NLGN1: variants seen among roughly 807,000 people sequenced by gnomAD.
NLGN1 encodes the protein neuroligin-1.
A neutral mutation model predicts 65.5 loss-of-function variants in NLGN1; 12 were observed. The ratio of observed to expected loss-of-function variants is 0.18; its 90% CI spans 0.12 to 0.30. The LOEUF (loss-of-function observed/expected upper bound fraction) is 0.30. Among genes scored for constraint, NLGN1 ranks in the 10% least tolerant of loss-of-function variants. The probability of loss-of-function intolerance (pLI) is 1.00; values close to 1 mark genes in which losing one functional copy is unlikely to be tolerated. For missense variants in NLGN1, 750 were observed against 1,007.1 expected (o/e 0.74, Z 3.46); for synonymous variants, 350 against 359.5 (o/e 0.97, Z 0.30).
intron 2 of NLGN1, among the ~76,000 whole-genome samples, chr3:173,527,629 C>T (rs1016821542): frequency 1.5e-4 from 23 of 152,192 alleles, no homozygotes; most frequent in African/African-American, 5.5e-4. Context: ...GATCTCCTGA[C>T]CTCGTGATCT....
chr3:173,745,792 G>A (rs191486401), intron 3 of NLGN1, among the ~76,000 whole-genome samples: 12 of 152,196 alleles, frequency 7.9e-5, no homozygotes, highest in African/African-American at 2.9e-4. Context: ...GAAAGAAGCG[G>A]TCTGATTTCT....
At chr3:174,251,939 A>G (rs1744841276) in intron 4 of NLGN1, among the ~76,000 whole-genome samples, 1 of 152,158 alleles carries the variant, frequency 6.6e-6, no homozygotes, top group Non-Finnish European at 1.5e-5. Context: ...CTACGTAGAT[A>G]TTTCAGCTCT....
chr3:174,260,000 CA>C (rs1452899896), intron 4 of NLGN1, among the ~76,000 whole-genome samples: 3 of 152,090 alleles, frequency 2.0e-5, no homozygotes, highest in Non-Finnish European at 4.4e-5. Flanking sequence ...CATGTCCCTA[CA>C]AAGGACAAGA....
chr3:173,769,421 A>G (rs1779255420), intron 3 of NLGN1, among the ~76,000 whole-genome samples: 1 of 151,984 alleles, frequency 6.6e-6, no homozygotes, highest in Non-Finnish European at 1.5e-5. Context: ...AAACACACAT[A>G]TGAGGGCCAT....
In NLGN1 at chr3:173,894,849, C is replaced by G. The variant is rs1200427774; in HGVS notation, c.646+87017C>G. 2.6e-5 allele frequency among the ~76,000 whole-genome samples: 4 copies of G among 150,994 alleles called. No individual in the cohort carries two copies. In the East Asian group the frequency reaches 7.8e-4, roughly 29 times the overall value. ...ACAGGGTTTCACCATGTTGGCCAGG[C>G]TGGTGTCGAACTCCTGACCTCAAGT... On this transcript the variant is annotated intron_variant, in intron 4 of 6. Transcript: ENST00000457714.
intron 4 of NLGN1, among the ~76,000 whole-genome samples, chr3:174,145,983 C>T (rs2152695425): frequency 6.6e-6 from 1 of 152,328 alleles, no homozygotes; most frequent in African/African-American, 2.4e-5. Flanking sequence ...ACACTTGTGC[C>T]TGCTCACACG....
At chr3:174,199,396 T>C (rs925493265) in intron 4 of NLGN1, among the ~76,000 whole-genome samples, 1 of 151,738 alleles carries the variant, frequency 6.6e-6, no homozygotes, top group Non-Finnish European at 1.5e-5. Context: ...ATGGTAATAG[T>C]AGTAAGAGTG....
intron 2 of NLGN1, among the ~76,000 whole-genome samples, chr3:173,565,202 A>G (rs1232595449): frequency 6.6e-6 from 1 of 152,242 alleles, no homozygotes; most frequent in African/African-American, 2.4e-5. Context: ...AAGGACAGCC[A>G]GGTGAAAATA....
At chr3:174,109,651 T>C (rs1232572922) in intron 4 of NLGN1, among the ~76,000 whole-genome samples, 5 of 152,096 alleles carry the variant, frequency 3.3e-5, no homozygotes, top group Non-Finnish European at 7.4e-5. Context: ...TCCTTCTTTA[T>C]TGAGGCTCAG....
downstream of NLGN1, among the ~76,000 whole-genome samples, chr3:174,289,714 A>G (rs189313842): frequency 2.8e-4 from 43 of 151,078 alleles, no homozygotes; most frequent in South Asian, 4.1e-4. Context: ...TAATACATAC[A>G]TAAGATAAAA....
intron 4 of NLGN1, among the ~76,000 whole-genome samples, chr3:173,863,043 TTAAA>T (rs1264931312): frequency 1.3e-5 from 2 of 152,180 alleles, no homozygotes; most frequent in African/African-American, 4.8e-5. Flanking sequence ...CTTTGTTTTG[TTAAA>T]TAGTCTATGT....
At chr3:173,562,132 G>T (rs1296404341) in intron 2 of NLGN1, among the ~76,000 whole-genome samples, 1 of 152,210 alleles carries the variant, frequency 6.6e-6, no homozygotes, top group Non-Finnish European at 1.5e-5. Flanking sequence ...CATGTTCAAG[G>T]AATGAAAGGC....
At position 174,279,387 on chromosome 3, in the gene NLGN1, C is replaced by T. The variant is rs780078407; in HGVS notation, c.1386C>T (p.Asp462=). 1.1e-5 allele frequency: 17 copies of T among 1,613,352 alleles called. No individual in the cohort carries two copies. In the South Asian group the frequency reaches 1.8e-4, roughly 17 times the overall value. Residue 462 remains aspartate (D), a synonymous_variant, in exon 6 of 7, where the codon GAC becomes GAT. Transcript: ENST00000457714. The surrounding 1 kb of genome is among the most constrained non-coding windows in gnomAD (Gnocchi z 4.7). ...AGACATTACTGGCTTTGTTTACGGACCATCAGTGGGTGGCACCAGCTGTAG... is the reference window on the plus strand; with the variant it reads ...AGACATTACTGGCTTTGTTTACGGATCATCAGTGGGTGGCACCAGCTGTAG...
chr3:173,808,551 T>C (rs1288720103), intron 4 of NLGN1, among the ~76,000 whole-genome samples: 4 of 152,170 alleles, frequency 2.6e-5, no homozygotes, highest in Admixed American at 6.6e-5. Flanking sequence ...ATAAACTTGC[T>C]ATTCTAGCAT....
chr3:173,565,581 C>G (rs1743508325), intron 2 of NLGN1, among the ~76,000 whole-genome samples: 1 of 152,116 alleles, frequency 6.6e-6, no homozygotes. Flanking sequence ...AACACTGGCA[C>G]TTCCCCAGAG....
chr3:174,110,596 C>T (rs555744126), intron 4 of NLGN1, among the ~76,000 whole-genome samples: 2 of 151,858 alleles, frequency 1.3e-5, no homozygotes, highest in South Asian at 4.2e-4. Context: ...CAAGGATATG[C>T]CAAGTGCATA....
intron 4 of NLGN1, among the ~76,000 whole-genome samples, chr3:174,005,006 G>A (rs1255252428): frequency 5.3e-5 from 8 of 152,050 alleles, no homozygotes; most frequent in Admixed American, 1.3e-4. Flanking sequence ...TAACAAGTCC[G>A]TCTGGGTCAA....
intron 3 of NLGN1, among the ~76,000 whole-genome samples, chr3:173,797,335 TA>T (rs1263358843): frequency 6.6e-6 from 1 of 152,072 alleles, no homozygotes; most frequent in Admixed American, 6.6e-5. Context: ...ATCAGATATG[TA>T]AAAAATTCTT....
the NLGN1 span, among the ~76,000 whole-genome samples, chr3:174,292,018 C>T: frequency 1.3e-5 from 2 of 151,154 alleles, no homozygotes; most frequent in South Asian, 4.1e-4. Flanking sequence ...TTATGTGTAA[C>T]ACAGAATACA....
Sources: gnomAD v4.1 joint callset for allele counts (sites outside exome capture counted in the v4.1 genomes callset) on GRCh38, gnomAD v4.1.1 for gene constraint, Gnocchi (gnomAD v3.1) non-coding constraint, MANE v1.5 for transcripts, NCBI Gene and HGNC (gene_info 2026-07-23, HGNC 2026-07-21) for gene names.